DENND1C: variants seen among roughly 807,000 people sequenced by gnomAD.
DENND1C encodes the protein DENN domain containing 1C, also known as DENN domain-containing protein 1C.
In DENND1C, 64 loss-of-function variants were observed where a neutral mutation model predicts 87.9. The observed-to-expected ratio is 0.73, with a 90% CI of 0.60 to 0.90. The LOEUF (loss-of-function observed/expected upper bound fraction) is 0.90. Ranked by LOEUF, DENND1C falls within the 40% of genes least tolerant of loss-of-function variation. The pLI is 0.00. For synonymous variants in DENND1C, 384 were observed against 424.4 expected (o/e 0.90, Z 1.17); for missense variants, 980 against 1,037.0 (o/e 0.95, Z 0.76).
intron 19 of DENND1C, 105 bp downstream of exon 19, chr19:6,469,491 C>G: frequency 8.8e-7 from 1 of 1,136,444 alleles, no homozygotes. Flanking sequence ...ACTATATTGC[C>G]CAAGCTGGTC....
chr19:6,477,370 C>T lies in DENND1C; in HGVS notation c.447+8G>A. The T allele has an allele frequency of 6.2e-7, 1 of 1,613,436 alleles. No homozygotes were observed. The highest frequency in any genetic ancestry group is 8.5e-7 in the Non-Finnish European group (1 of 1,179,728). ...AGGTCCAGCGCCCAGGGAATGGGAG[C>T]TACTCACCAGCTCAAGCCCCACTGA... On this transcript the variant is annotated splice_region_variant and intron_variant, in intron 7 of 22. Transcript: ENST00000381480.
In DENND1C at chr19:6,479,878, G is replaced by A. The variant is rs1283199308; in HGVS notation, c.107C>T (p.Pro36Leu). 3 of 1,608,712 alleles carry A rather than the reference G, an allele frequency of 1.9e-6. No individual in the cohort carries two copies. Among genetic ancestry groups the A allele is most frequent in the Non-Finnish European group, 2.5e-6 (3 of 1,177,654 alleles). ...QEDPPILRQF[P>L]PDFRDQEAMQ... ...GAATACCTGGTCCCTGAAGTCTGGA[G>A]GGAACTGCCGCAGGATGGGGGGATC... The change falls in exon 3 of 23, where the codon CCT becomes CTT. Residue 36 changes from proline to leucine, a missense_variant. Coordinates refer to ENST00000381480, the MANE Select transcript of DENND1C (RefSeq NM_024898.4).
chr19:6,470,578 T>C (rs1463284555), intron 17 of DENND1C, among the ~76,000 whole-genome samples: 4 of 152,098 alleles, frequency 2.6e-5, no homozygotes, highest in African/African-American at 9.7e-5. Context: ...GTTTTTGTTT[T>C]TGTTTTTTTT....
rs2092837171 is a variant in DENND1C, at chr19:6,472,910, C to T, written c.1137G>A (p.Val379=). ...APLQAFHRRA[V]HLQLFKQFIE... ...ATACCTGTTTGAACAGCTGCAGGTG[C>T]ACAGCCCGCCGGTGGAAGGCCTGCA... Residue 379 remains valine (V), a synonymous_variant, in exon 15 of 23, where the codon GTG becomes GTA. Transcript: ENST00000381480. 1.9e-6 allele frequency: 3 copies of T among 1,579,480 alleles called. No homozygotes were observed. Among genetic ancestry groups the T allele is most frequent in the East Asian group, 2.3e-5 (1 of 43,418 alleles).
At chr19:6,477,155 ATCAG>A (rs1215481026) in intron 8 of DENND1C, 28 bp from the exon 9 acceptor site, 12 of 1,599,304 alleles carry the variant, frequency 7.5e-6, no homozygotes, top group African/African-American at 1.3e-5. Context: ...AGGGGGATCA[ATCAG>A]TCAGGAGGCT....
At chr19:6,469,008 C>T (rs149977261) in intron 19 of DENND1C, 55 bp from the exon 20 acceptor site, 1 of 1,076,430 alleles carries the variant, frequency 9.3e-7, no homozygotes, top group Non-Finnish European at 1.2e-6. Flanking sequence ...CCCACCACCC[C>T]CTACCATTGG....
chr19:6,478,833 C>T lies in DENND1C; in HGVS notation c.316G>A (p.Val106Met). ...ACTGTGTTCAATAGCTTGTAAAACACCTCGAACCAAGGCAGGTGGCTGTGG... is the reference window on the plus strand; with the variant it reads ...ACTGTGTTCAATAGCTTGTAAAACATCTCGAACCAAGGCAGGTGGCTGTGG... ...CILSHLPWFE[V>M]FYKLLNTVGD... Residue 106 changes from valine to methionine, a missense_variant, in exon 6 of 23, where the codon GTG (valine) becomes ATG (methionine). By Grantham distance (21) the Val-to-Met change is conservative (BLOSUM62 1). Transcript: ENST00000381480. 6.2e-7 allele frequency: 1 copy of T among 1,613,800 alleles called. No individual in the cohort carries two copies. Among genetic ancestry groups the T allele is most frequent in the Non-Finnish European group, 8.5e-7 (1 of 1,179,802 alleles).
Position 6,481,684 on chromosome 19 carries a change from T to G in DENND1C, c.12A>C (p.Arg4Ser). The G allele has an allele frequency of 6.2e-7, 1 of 1,605,880 alleles. No individual in the cohort carries two copies. Among genetic ancestry groups the G allele is most frequent in the Non-Finnish European group, 8.5e-7 (1 of 1,176,016 alleles). Residue 4 changes from arginine (R) to serine (S), a missense_variant, in exon 1 of 23, where the codon AGA (arginine) becomes AGC (serine). Physicochemically the swap from Arg to Ser is moderately radical, Grantham distance 110. Coordinates refer to ENST00000381480, the MANE Select transcript of DENND1C (RefSeq NM_024898.4). ...AGGGATGGGGTGGCTCTTACTCAGC[T>G]CTGGATTCCATGGTCCCTGCAGGGC... Reference protein sequence around the residue: MESRAEGGSPAVFD... With the variant: MESSAEGGSPAVFD...
rs2092878442 is a variant in DENND1C, at chr19:6,478,806, C to T, written c.343G>A (p.Gly115Arg). 1.2e-6 allele frequency: 2 copies of T among 1,613,306 alleles called. No homozygotes were observed. Among genetic ancestry groups the T allele is most frequent in the Non-Finnish European group, 1.7e-6 (2 of 1,179,628 alleles). The change falls in exon 6 of 23, where the codon GGA (glycine) becomes AGA (arginine). Residue 115 changes from glycine (G) to arginine (R), a missense_variant. Gly to Arg is a moderately radical substitution (Grantham distance 125). Coordinates refer to ENST00000381480, the MANE Select transcript of DENND1C (RefSeq NM_024898.4). ...EVFYKLLNTVGDLLAQDQVTE... is the reference protein window; with the variant it reads ...EVFYKLLNTVRDLLAQDQVTE... ...ACTTGGTCCTGGGCTAGGAGGTCTC[C>T]CACTGTGTTCAATAGCTTGTAAAAC... is the stretch of plus-strand genomic sequence containing the variant.
rs532957666 is a variant in DENND1C, at chr19:6,469,458, T to C, written c.1407+138A>G. 3 of 819,866 alleles carry C rather than the reference T, an allele frequency of 3.7e-6. No homozygotes were observed. In the East Asian group the frequency reaches 8.2e-5, roughly 22 times the overall value. The allele number at this position is 819,866 out of a possible 1,614,324, so 50.8% of individuals were successfully genotyped here. The stretch of plus-strand genomic sequence containing the variant: ...TCCATATTCAGATAATTTTTAACTA[T>C]TTTTTTGTAGAGACAAGGCCCCACT... On this transcript the variant is annotated intron_variant, in intron 19 of 22. Coordinates refer to ENST00000381480, the MANE Select transcript of DENND1C (RefSeq NM_024898.4).
chr19:6,468,546 C>A, intron 21 of DENND1C, 32 bp downstream of exon 21: 1 of 1,554,660 alleles, frequency 6.4e-7, no homozygotes, highest in Non-Finnish European at 8.7e-7. Flanking sequence ...TGGCCTCCCA[C>A]TTTCAACACT....
intron 15 of DENND1C, among the ~76,000 whole-genome samples, chr19:6,472,511 C>G (rs982797598): frequency 1.3e-5 from 2 of 152,198 alleles, no homozygotes; most frequent in Admixed American, 1.3e-4. Context: ...CTGCCTCAGC[C>G]TCCTGAGTAG....
At position 6,470,075 on chromosome 19, in the gene DENND1C, G is replaced by A. The variant is rs59297656; in HGVS notation, c.1362+220C>T. ...TTAAAGGGGCCGTGGGCGGGGCGGAGGGGGGCGGGTAGGATTCCAACAAAA... is the reference window on the plus strand; with the variant it reads ...TTAAAGGGGCCGTGGGCGGGGCGGAAGGGGGCGGGTAGGATTCCAACAAAA... On this transcript the variant is annotated intron_variant, in intron 18 of 22. Transcript: ENST00000381480. 2.4e-3 allele frequency: 1,283 copies of A among 534,232 alleles called. 14 individuals are homozygous for A. The highest frequency in any genetic ancestry group is 0.022 in the African/African-American group (1,156 of 52,568). 33.1% of individuals were successfully genotyped at this position (534,232 alleles called of 1,614,324 possible).
At chr19:6,479,941 G>A (rs1032803151) in intron 2 of DENND1C, 39 bp from the exon 3 acceptor site, 1 of 1,590,168 alleles carries the variant, frequency 6.3e-7, no homozygotes, top group South Asian at 1.1e-5. Context: ...AGCGACCCAG[G>A]CCCACCCTCC....
chr19:6,468,133 T>C lies in DENND1C; in HGVS notation c.1792-15A>G. 1 of 1,611,128 alleles carries C rather than the reference T, an allele frequency of 6.2e-7. No individual in the cohort carries two copies. The highest frequency in any genetic ancestry group is 8.5e-7 in the Non-Finnish European group (1 of 1,178,166). On this transcript the variant is annotated splice_polypyrimidine_tract_variant and intron_variant, in intron 22 of 22. Coordinates refer to ENST00000381480, the MANE Select transcript of DENND1C (RefSeq NM_024898.4). The stretch of plus-strand genomic sequence containing the variant: ...GGTATGTTGGGCTAGGTGAGATGGA[T>C]AGGGAAGTTGTGGCTTTTAGATGGC...
At position 6,468,958 on chromosome 19, in the gene DENND1C, G is replaced by A. The variant is rs554182712; in HGVS notation, c.1408-5C>T. 11 of 1,396,068 alleles carry A rather than the reference G, an allele frequency of 7.9e-6. No homozygotes were observed. The African/African-American group carries it at 1.6e-4, about 21-fold the overall frequency. The allele number at this position is 1,396,068 out of a possible 1,614,324, so 86.5% of individuals were successfully genotyped here. ...CTGCAGGACAGAGTCCCCATCCTAGGAAGAGAAGAGTGAACTGGGAACCTC... is the reference window on the plus strand; with the variant it reads ...CTGCAGGACAGAGTCCCCATCCTAGAAAGAGAAGAGTGAACTGGGAACCTC... On this transcript the variant is annotated splice_region_variant and splice_polypyrimidine_tract_variant and intron_variant, in intron 19 of 22. Coordinates refer to ENST00000381480, the MANE Select transcript of DENND1C (RefSeq NM_024898.4).
intron 14 of DENND1C, among the ~76,000 whole-genome samples, chr19:6,473,455 G>GTTTTTTTTTTTTTTTTTT: frequency 7.4e-6 from 1 of 135,586 alleles, no homozygotes. Context: ...GCCCAGCCCT[G>GTTTTTTTTTTTTTTTTTT]GTTTTTTTTT....
rs776950983 is a variant in DENND1C at position 6,469,617 on chromosome 19, C to T, written c.1386G>A (p.Val462=). The change falls in exon 19 of 23, where the codon GTG becomes GTA. Residue 462 remains valine, a synonymous_variant. Coordinates refer to ENST00000381480, the MANE Select transcript of DENND1C (RefSeq NM_024898.4). The part of the protein sequence containing the change: ...YRSAKSGLKG[V]QSLLMYKDGD... ...TTACCTTATACATTAGAAGGCTCTG[C>T]ACCCCCTTCAAGCCACTCTTGGCCT... is the stretch of plus-strand genomic sequence containing the variant. 5.6e-6 allele frequency: 9 copies of T among 1,604,558 alleles called. No individual in the cohort carries two copies. Among genetic ancestry groups the T allele is most frequent in the East Asian group, 4.5e-5 (2 of 44,566 alleles).
rs1195296620 is a variant in DENND1C at position 6,479,004 on chromosome 19, C to G, written c.229G>C (p.Ala77Pro). The change falls in exon 5 of 23, where the codon GCC (alanine) becomes CCC (proline). Residue 77 changes from alanine (A) to proline (P), a missense_variant. Transcript: ENST00000381480. The part of the protein sequence containing the change: ...QHFTFALTDL[A>P]GNRRFGFCRL... ...CAGAAACCAAATCTGCGGTTGCCGG[C>G]AAGGTCTGTGAGGGCGAAGGTGAAA... 4 of 1,613,790 alleles carry G rather than the reference C, an allele frequency of 2.5e-6. No individual in the cohort carries two copies. Among genetic ancestry groups the G allele is most frequent in the Non-Finnish European group, 2.5e-6 (3 of 1,179,874 alleles).
Sources: gnomAD v4.1 joint callset for allele counts (sites outside exome capture counted in the v4.1 genomes callset) on GRCh38, gnomAD v4.1.1 for gene constraint, MANE v1.5 for transcripts, NCBI Gene and HGNC (gene_info 2026-07-23, HGNC 2026-07-21) for gene names.